The following ATP8B4 variants were observed in gnomAD, a reference collection of about 807,000 sequenced individuals.
ATP8B4 encodes probable phospholipid-transporting ATPase IM.
Under a neutral mutation model 145.6 loss-of-function variants are expected in ATP8B4, and 133 were observed. The ratio of observed to expected loss-of-function variants is 0.91; its 90% CI spans 0.79 to 1.05. ATP8B4 has a LOEUF of 1.05. Among genes scored for constraint, ATP8B4 ranks in the 50% least tolerant of loss-of-function variants. ATP8B4 has a pLI of 0.00. For synonymous variants in ATP8B4, 507 were observed against 492.9 expected (o/e 1.03, Z -0.38); for missense variants, 1,458 against 1,425.2 (o/e 1.02, Z -0.37).
At chr15:49,873,357 C>A (rs4347574) in intron 25 of ATP8B4, among the ~76,000 whole-genome samples, 45,331 of 152,012 alleles carry the variant, frequency 0.3, 7,369 homozygotes, top group African/African-American at 0.41. Context: ...GCCATTGTAT[C>A]ATTTGCCATA....
At chr15:49,945,040 A>G (rs2042453179) in intron 14 of ATP8B4, among the ~76,000 whole-genome samples, 1 of 152,198 alleles carries the variant, frequency 6.6e-6, no homozygotes, top group South Asian at 2.1e-4. Flanking sequence ...CATGGCATAT[A>G]GCAAAAGCAG....
At chr15:50,130,165 T>C (rs2153678833) in intron 1 of ATP8B4, among the ~76,000 whole-genome samples, 3 of 152,226 alleles carry the variant, frequency 2.0e-5, no homozygotes, top group Admixed American at 2.0e-4. Context: ...TTCCACATCT[T>C]TCAGGTCTTA....
rs576886733 is a variant in ATP8B4, at chr15:50,057,564, A to G, written c.88-10100T>C. On this transcript the variant is annotated intron_variant, in intron 3 of 27. Coordinates refer to ENST00000284509, the MANE Select transcript of ATP8B4 (RefSeq NM_024837.4). ...AGCTCACATTAATTCAATCAGCTGG[A>G]GCAGTCACTTCCAGTCCTTTCAATC... Among the ~76,000 whole-genome samples, 7 of 152,352 alleles carry G rather than the reference A, an allele frequency of 4.6e-5. No homozygotes were observed. The East Asian group carries it at 5.8e-4, about 13-fold the overall frequency.
intron 14 of ATP8B4, among the ~76,000 whole-genome samples, chr15:49,961,220 G>C (rs1230559411): frequency 6.6e-6 from 1 of 151,608 alleles, no homozygotes; most frequent in African/African-American, 2.4e-5. Context: ...CTTATAACAA[G>C]AGAAGTTAAA....
intron 3 of ATP8B4, among the ~76,000 whole-genome samples, chr15:50,052,325 T>C (rs1039157501): frequency 1.3e-5 from 2 of 152,232 alleles, no homozygotes; most frequent in African/African-American, 4.8e-5. Context: ...ACGGAGCCTC[T>C]TTGGTGCTGA....
chr15:50,009,803 G>A (rs1030168399), intron 7 of ATP8B4: 2 of 375,248 alleles, frequency 5.3e-6, no homozygotes, highest in African/African-American at 2.2e-5. Flanking sequence ...TGAGACCTCT[G>A]TTTTGGCTGC....
intron 6 of ATP8B4, chr15:50,018,918 T>A: frequency 7.9e-7 from 1 of 1,258,182 alleles, no homozygotes; most frequent in Non-Finnish European, 1.0e-6. Flanking sequence ...TAAATCTTCT[T>A]CCTTACAATT....
intron 13 of ATP8B4, among the ~76,000 whole-genome samples, chr15:49,964,442 T>C (rs528868822): frequency 6.6e-6 from 1 of 152,252 alleles, no homozygotes; most frequent in East Asian, 1.9e-4. Context: ...AAGAAGATAA[T>C]ATTTCTTAGC....
chr15:50,013,444 T>C (rs2048864040), intron 6 of ATP8B4, among the ~76,000 whole-genome samples: 1 of 152,132 alleles, frequency 6.6e-6, no homozygotes, highest in Non-Finnish European at 1.5e-5. Context: ...ATATGAATAT[T>C]CTGAAAAGAA....
chr15:49,989,160 C>T (rs2046859751), intron 9 of ATP8B4, among the ~76,000 whole-genome samples: 1 of 152,142 alleles, frequency 6.6e-6, no homozygotes, highest in Admixed American at 6.5e-5. Context: ...TAGCCTATCA[C>T]TGATAGTAAA....
chr15:50,047,713 G>A (rs2051832166), intron 3 of ATP8B4, among the ~76,000 whole-genome samples: 1 of 152,052 alleles, frequency 6.6e-6, no homozygotes. Context: ...GTCTACCCCT[G>A]AGATTTCTGA....
intron 26 of ATP8B4, among the ~76,000 whole-genome samples, chr15:49,863,637 G>A (rs2032256633): frequency 1.3e-5 from 2 of 152,116 alleles, no homozygotes; most frequent in South Asian, 2.1e-4. Flanking sequence ...TTAGAGACAG[G>A]AATCTGCCTA....
intron 1 of ATP8B4, among the ~76,000 whole-genome samples, chr15:50,174,324 C>T (rs2044731562): frequency 6.6e-6 from 1 of 152,054 alleles, no homozygotes; most frequent in Non-Finnish European, 1.5e-5. Flanking sequence ...AAATATAGAG[C>T]ATCCAAATCG....
intron 2 of ATP8B4, among the ~76,000 whole-genome samples, chr15:50,085,971 GATATATCAAATATATCATATATATTTATT>G (rs2054971484): frequency 5.5e-5 from 4 of 73,208 alleles, no homozygotes; most frequent in Admixed American, 1.8e-4. Context: ...ATTTATATAT[GATATATCAAATATATCATATATATTTATT>G]ATATATAATA....
Position 50,160,323 on chromosome 15 carries a change from T to C in ATP8B4, c.-43+21938A>G, listed in dbSNP as rs2044497824. Among the ~76,000 whole-genome samples the C allele has an allele frequency of 2.0e-5, 3 of 151,804 alleles. No homozygotes were observed. The South Asian group carries it at 6.2e-4, about 31-fold the overall frequency. Reference sequence around the variant, plus strand: ...GGCTAAAGATTTGTGAATTTTATCTTTTCGAAAAAATTTCATTTCATTGAT... The same window carrying C: ...GGCTAAAGATTTGTGAATTTTATCTCTTCGAAAAAATTTCATTTCATTGAT... On this transcript the variant is annotated intron_variant, in intron 1 of 3. Coordinates refer to the ATP8B4 transcript ENST00000558829.
chr15:50,103,959 C>G (rs1334144075), intron 2 of ATP8B4, among the ~76,000 whole-genome samples: 2 of 152,020 alleles, frequency 1.3e-5, no homozygotes, highest in African/African-American at 2.4e-5. Context: ...TTCGACAAAT[C>G]AAACAAAATC....
intron 6 of ATP8B4, among the ~76,000 whole-genome samples, chr15:50,032,012 T>C (rs555544268): frequency 6.6e-6 from 1 of 152,342 alleles, no homozygotes; most frequent in East Asian, 1.9e-4. Context: ...TTATACTTTT[T>C]GATTCAACAA....
At chr15:50,149,978 G>A (rs1193880800) in intron 1 of ATP8B4, among the ~76,000 whole-genome samples, 1 of 152,066 alleles carries the variant, frequency 6.6e-6, no homozygotes, top group Non-Finnish European at 1.5e-5. Flanking sequence ...GAGGGTGCCT[G>A]TAATCCCAGC....
intron 14 of ATP8B4, among the ~76,000 whole-genome samples, chr15:49,945,469 CA>C (rs2042487530): frequency 6.6e-6 from 1 of 152,010 alleles, no homozygotes; most frequent in South Asian, 2.1e-4. Context: ...CAAACTCTTC[CA>C]AAAAAATTGA....
Sources: allele counts gnomAD v4.1 joint callset (sites outside exome capture counted in the v4.1 genomes callset), GRCh38; gene constraint gnomAD v4.1.1; transcripts MANE v1.5; gene names NCBI Gene and HGNC (gene_info 2026-07-23, HGNC 2026-07-21).